Variants in TINAG observed in about 807,000 individuals in gnomAD.
TINAG encodes the protein tubulointerstitial nephritis antigen.
TINAG carries 83 observed loss-of-function variants against 72.7 expected under a neutral mutation model. The observed-to-expected ratio is 1.14, with a 90% confidence interval of 0.96 to 1.37. The LOEUF (loss-of-function observed/expected upper bound fraction) is 1.37, where lower values mean the gene tolerates loss of function less well. TINAG is among the 40% of genes most tolerant of loss of function. The probability of loss-of-function intolerance (pLI) is 0.00; values close to 1 mark genes in which losing one functional copy is unlikely to be tolerated. For missense variants in TINAG, 685 were observed against 576.6 expected, an observed-to-expected ratio of 1.19 and a Z score of -1.93; for synonymous variants, 234 against 189.9, an observed-to-expected ratio of 1.23 and a Z score of -1.91.
chr6:54,350,322 TTGTC>T (rs745562741), intron 7 of TINAG, among the ~76,000 whole-genome samples: 23 of 152,136 alleles, frequency 1.5e-4, no homozygotes, highest in Admixed American at 2.6e-4. Flanking sequence ...GGATTCTAGT[TTGTC>T]TGTTAAAAGC....
chr6:54,329,950 C>G (rs1784698721), intron 4 of TINAG, among the ~76,000 whole-genome samples: 1 of 152,060 alleles, frequency 6.6e-6, no homozygotes, highest in South Asian at 2.1e-4. Flanking sequence ...GCACCCAATA[C>G]AGGAGCACCC....
At chr6:54,325,242 C>T (rs1164672159) in intron 3 of TINAG, among the ~76,000 whole-genome samples, 1 of 152,190 alleles carries the variant, frequency 6.6e-6, no homozygotes, top group Non-Finnish European at 1.5e-5. Flanking sequence ...ATGGCACATG[C>T]CAAAGTCATT....
chr6:54,353,165 C>T (rs1387015561), intron 8 of TINAG, among the ~76,000 whole-genome samples: 2 of 151,750 alleles, frequency 1.3e-5, no homozygotes, highest in African/African-American at 2.4e-5. Context: ...ATTATGGTGG[C>T]TTCTCATCCT....
intron 10 of TINAG, among the ~76,000 whole-genome samples, chr6:54,387,653 T>A (rs13195267): frequency 0.37 from 55,966 of 151,996 alleles, 13,083 homozygotes; most frequent in Middle Eastern, 0.55. Flanking sequence ...TAAACACATG[T>A]ATAAATTTAC....
intron 1 of TINAG, among the ~76,000 whole-genome samples, chr6:54,314,037 C>G (rs928340107): frequency 1.3e-5 from 2 of 152,074 alleles, no homozygotes; most frequent in Non-Finnish European, 2.9e-5. Context: ...GGTAAGGAGA[C>G]TTAGGTATGC....
Position 54,330,031 on chromosome 6 carries a change from A to G in TINAG, c.624+3115A>G, listed in dbSNP as rs961427352. On this transcript the variant is annotated intron_variant, in intron 4 of 10. Coordinates refer to ENST00000259782, the MANE Select transcript of TINAG (RefSeq NM_014464.4). Reference sequence around the variant, plus strand: ...TCAAATAATAATAGTTGAAGATTTTAACACCCCACTGTCAATATTAGACAA... The same window carrying G: ...TCAAATAATAATAGTTGAAGATTTTGACACCCCACTGTCAATATTAGACAA... Among the ~76,000 whole-genome samples the G allele has an allele frequency of 2.6e-5, 4 of 152,128 alleles. No individual in the cohort carries two copies. The South Asian group carries it at 6.2e-4, about 24-fold the overall frequency.
chr6:54,313,085 C>T lies in TINAG; in HGVS notation c.355+4180C>T, dbSNP rs1434356063. 5.3e-5 allele frequency among the ~76,000 whole-genome samples: 8 copies of T among 151,616 alleles called. 1 individual carries two copies. Among genetic ancestry groups the T allele is most frequent in the Non-Finnish European group, 1.0e-4 (7 of 67,928 alleles). ...TTGAAAATGGAAGGTGTATTTTCAT[C>T]GAAAAATAGAAAATACATGTTTAAA... On this transcript the variant is annotated intron_variant, in intron 1 of 10. Transcript: ENST00000259782.
chr6:54,347,286 G>T, intron 5 of TINAG, 81 bp from the exon 6 acceptor site: 1 of 1,412,920 alleles, frequency 7.1e-7, no homozygotes, highest in Non-Finnish European at 9.7e-7. Flanking sequence ...ACTACGTTAG[G>T]GTTCAAACAA....
chr6:54,353,802 C>T (rs1464444725), intron 8 of TINAG, among the ~76,000 whole-genome samples: 4 of 151,748 alleles, frequency 2.6e-5, no homozygotes, highest in African/African-American at 9.7e-5. Flanking sequence ...CTATACATAT[C>T]TAATCCCAAT....
At chr6:54,318,251 G>A (rs915021363) in intron 1 of TINAG, among the ~76,000 whole-genome samples, 1 of 152,116 alleles carries the variant, frequency 6.6e-6, no homozygotes, top group Admixed American at 6.6e-5. Flanking sequence ...ATAAACTGCT[G>A]TCTACTTGAT....
rs57637287 is a variant in TINAG at position 54,366,254 on chromosome 6, A to ATGTGTG, written c.1250+11637_1250+11642dup. Among the ~76,000 whole-genome samples, 626 of 148,010 alleles carry ATGTGTG rather than the reference A, an allele frequency of 4.2e-3. 4 individuals are homozygous for ATGTGTG. The highest frequency in any genetic ancestry group is 0.013 in the African/African-American group (541 of 40,538). On this transcript the variant is annotated intron_variant, in intron 9 of 10. Transcript: ENST00000259782. ...TATCTATATGCGTACACGTACGTGTATGTGTGTGTGTGTGTGTGTGTGTGA... is the reference window on the plus strand; with the variant it reads ...TATCTATATGCGTACACGTACGTGTATGTGTGTGTGTGTGTGTGTGTGTGTGTGTGA...
chr6:54,368,633 G>A (rs1763510203), intron 9 of TINAG, among the ~76,000 whole-genome samples: 2 of 151,194 alleles, frequency 1.3e-5, no homozygotes, highest in African/African-American at 2.4e-5. Context: ...ATAATTCAAT[G>A]TATTCCACTT....
chr6:54,371,061 A>G (rs1472803847), intron 9 of TINAG, among the ~76,000 whole-genome samples: 1 of 152,018 alleles, frequency 6.6e-6, no homozygotes, highest in Non-Finnish European at 1.5e-5. Context: ...TTTTAAAAGA[A>G]TTCTTAGAAA....
intron 10 of TINAG, among the ~76,000 whole-genome samples, chr6:54,385,766 G>C (rs532618048): frequency 6.6e-6 from 1 of 150,790 alleles, no homozygotes; most frequent in Non-Finnish European, 1.5e-5. Context: ...ATATATAAAG[G>C]GATAACACTC....
intron 4 of TINAG, among the ~76,000 whole-genome samples, chr6:54,339,456 A>T (rs954378086): frequency 9.2e-5 from 14 of 152,200 alleles, no homozygotes; most frequent in Non-Finnish European, 1.6e-4. Context: ...AGTAAAAGTC[A>T]AGTGCCAGCT....
In TINAG at chr6:54,323,585, C is replaced by T. The variant is rs9357800; in HGVS notation, c.509+2199C>T. ...ATGTACTTCAGTGCTTATTTATTCT[C>T]TGTATTATTTTTTAATGTAATCAGT... On this transcript the variant is annotated intron_variant, in intron 3 of 10. Coordinates refer to ENST00000259782, the MANE Select transcript of TINAG (RefSeq NM_014464.4). 9.9e-3 allele frequency among the ~76,000 whole-genome samples: 1,505 copies of T among 152,254 alleles called. 38 individuals are homozygous for T. Among genetic ancestry groups the T allele is most frequent in the East Asian group, 0.062 (324 of 5,186 alleles).
intron 9 of TINAG, among the ~76,000 whole-genome samples, chr6:54,377,910 A>G (rs1053885610): frequency 6.6e-6 from 1 of 152,180 alleles, no homozygotes; most frequent in Admixed American, 6.6e-5. Context: ...AGTTTAAATA[A>G]AGGTTTTAAC....
chr6:54,389,648 T>C, intron 10 of TINAG, 143 bp from the exon 11 acceptor site: 1 of 1,000,112 alleles, frequency 1.0e-6, no homozygotes, highest in South Asian at 1.9e-5. Context: ...ATACAACCAT[T>C]ATTTAAAAAT....
intron 2 of TINAG, 39 bp downstream of exon 2, chr6:54,320,681 G>A (rs1323977245): frequency 4.0e-6 from 6 of 1,489,490 alleles, no homozygotes; most frequent in Non-Finnish European, 5.5e-6. Flanking sequence ...GTTCTACTGT[G>A]TGTGTATGTT....
Sources: allele counts gnomAD v4.1 joint callset (sites outside exome capture counted in the v4.1 genomes callset), GRCh38; gene constraint gnomAD v4.1.1; transcripts MANE v1.5; gene names NCBI Gene and HGNC (gene_info 2026-07-23, HGNC 2026-07-21).